Variants in FARS2 observed in about 807,000 individuals in gnomAD.
The protein encoded by FARS2 is phenylalanyl-tRNA synthetase 2, mitochondrial.
In FARS2, 40 loss-of-function variants were observed where a neutral mutation model predicts 46.4. The observed-to-expected ratio is 0.86, with a 90% CI of 0.67 to 1.12. FARS2 has a LOEUF of 1.12. FARS2 is among the 50% of genes most tolerant of loss of function. The probability of loss-of-function intolerance (pLI) is 0.00; values close to 1 mark genes in which losing one functional copy is unlikely to be tolerated. For synonymous variants in FARS2, 234 were observed against 214.9 expected, an observed-to-expected ratio of 1.09 and a Z score of -0.78; for missense variants, 513 against 567.9, an observed-to-expected ratio of 0.90 and a Z score of 0.98.
intron 6 of FARS2, among the ~76,000 whole-genome samples, chr6:5,748,776 A>T (rs1304655271): frequency 6.6e-6 from 1 of 152,220 alleles, no homozygotes; most frequent in African/African-American, 2.4e-5. Context: ...AATACAAATT[A>T]AGTGCTGCCT....
At chr6:5,408,424 G>A (rs1039818541) in intron 3 of FARS2, among the ~76,000 whole-genome samples, 1 of 152,160 alleles carries the variant, frequency 6.6e-6, no homozygotes, top group Non-Finnish European at 1.5e-5. Context: ...ACAGTCCACG[G>A]AAAGAAGGAA....
chr6:5,307,348 C>T (rs1460029016), intron 1 of FARS2, among the ~76,000 whole-genome samples: 1 of 152,210 alleles, frequency 6.6e-6, no homozygotes, highest in Non-Finnish European at 1.5e-5. Flanking sequence ...CTGAATGGCT[C>T]ATATATTTTT....
intron 6 of FARS2, among the ~76,000 whole-genome samples, chr6:5,627,206 T>C (rs1301254986): frequency 6.6e-6 from 1 of 152,344 alleles, no homozygotes; most frequent in East Asian, 1.9e-4. Context: ...CGTTGTGCAG[T>C]GCATGACTGT....
chr6:5,414,964 G>A lies in FARS2; in HGVS notation c.772+10263G>A, dbSNP rs540332288. ...CGAGTAGCTGAGATTACAGGCACCC[G>A]CCACCATGCCTGGGTAATTTTTTTT... On this transcript the variant is annotated intron_variant, in intron 3 of 6. Transcript: ENST00000274680. Among the ~76,000 whole-genome samples the A allele has an allele frequency of 1.5e-4, 23 of 151,686 alleles. No individual in the cohort carries two copies. In the East Asian group the frequency reaches 2.9e-3, roughly 19 times the overall value.
At chr6:5,326,126 A>G (rs986181833) in intron 1 of FARS2, among the ~76,000 whole-genome samples, 1 of 152,214 alleles carries the variant, frequency 6.6e-6, no homozygotes, top group Admixed American at 6.5e-5. Context: ...TCATCCTAAG[A>G]TAAATGGACA....
rs191522376 is a variant in FARS2 at position 5,692,065 on chromosome 6, G to A, written c.1217+78745G>A. Among the ~76,000 whole-genome samples the A allele has an allele frequency of 2.6e-4, 39 of 152,290 alleles. 1 individual carries two copies. The East Asian group carries it at 4.8e-3, about 19-fold the overall frequency. ...CACAGTATTAGGGTGGGAGTGACCC[G>A]ATTTTCCAGGTGCCATCTGTCACCC... On this transcript the variant is annotated intron_variant, in intron 6 of 6. Coordinates refer to ENST00000274680, the MANE Select transcript of FARS2 (RefSeq NM_006567.5).
chr6:5,768,288 GA>G (rs1762852724), intron 6 of FARS2, among the ~76,000 whole-genome samples: 1 of 152,126 alleles, frequency 6.6e-6, no homozygotes, highest in Non-Finnish European at 1.5e-5. Context: ...TATATATTAT[GA>G]GTATTTATCT....
At position 5,419,838 on chromosome 6, in the gene FARS2, G is replaced by A. The variant is rs190483408; in HGVS notation, c.773-11203G>A. On this transcript the variant is annotated intron_variant, in intron 3 of 6. Transcript: ENST00000274680. ...CAAGCCCACAGTGTGCCATCCTGCAGGAGGCAGGCTCCTGGTTCTTCTTGG... is the reference window on the plus strand; with the variant it reads ...CAAGCCCACAGTGTGCCATCCTGCAAGAGGCAGGCTCCTGGTTCTTCTTGG... Among the ~76,000 whole-genome samples, 27 of 152,302 alleles carry A rather than the reference G, an allele frequency of 1.8e-4. No homozygotes were observed. The East Asian group carries it at 4.6e-3, about 26-fold the overall frequency.
At chr6:5,530,787 TA>T (rs1769777803) in intron 4 of FARS2, among the ~76,000 whole-genome samples, 1 of 147,208 alleles carries the variant, frequency 6.8e-6, no homozygotes. Flanking sequence ...TTGTATAATA[TA>T]GAACTATATA....
chr6:5,461,573 T>C (rs1287792655), intron 4 of FARS2, among the ~76,000 whole-genome samples: 1 of 152,104 alleles, frequency 6.6e-6, no homozygotes, highest in Non-Finnish European at 1.5e-5. Flanking sequence ...TACTTCCTTT[T>C]TTTGAGAGGG....
intron 5 of FARS2, among the ~76,000 whole-genome samples, chr6:5,565,943 A>G (rs1772297546): frequency 6.6e-6 from 1 of 152,218 alleles, no homozygotes; most frequent in South Asian, 2.1e-4. Flanking sequence ...GTTAACCCCA[A>G]TTCGTTTACA....
intron 6 of FARS2, among the ~76,000 whole-genome samples, chr6:5,724,104 ACACTGCATGGTTT>A: frequency 6.6e-6 from 1 of 152,274 alleles, no homozygotes; most frequent in South Asian, 2.1e-4. Flanking sequence ...CCTTTTCCCC[ACACTGCATGGTTT>A]CACTTCTCTG....
chr6:5,625,892 T>C (rs73360259), intron 6 of FARS2, among the ~76,000 whole-genome samples: 1,893 of 152,282 alleles, frequency 0.012, 46 homozygotes, highest in African/African-American at 0.042. Context: ...GAATCTCAGA[T>C]GCGCAGGTGG....
chr6:5,451,483 C>T (rs1201005486), intron 4 of FARS2, among the ~76,000 whole-genome samples: 2 of 152,094 alleles, frequency 1.3e-5, no homozygotes, highest in Non-Finnish European at 2.9e-5. Flanking sequence ...AGCTGGGGCT[C>T]ACTGCTCATT....
At chr6:5,658,232 A>G (rs142292576) in intron 6 of FARS2, among the ~76,000 whole-genome samples, 2,599 of 148,464 alleles carry the variant, frequency 0.018, 34 homozygotes, top group South Asian at 0.04. Flanking sequence ...CTCCAGCCTG[A>G]GCAACAAGAG....
intron 4 of FARS2, among the ~76,000 whole-genome samples, chr6:5,505,392 A>G (rs1015355399): frequency 1.3e-5 from 2 of 152,136 alleles, no homozygotes; most frequent in Non-Finnish European, 1.5e-5. Flanking sequence ...CTGTCTGGCA[A>G]TGGTCCCCTC....
intron 1 of FARS2, among the ~76,000 whole-genome samples, chr6:5,347,839 T>A (rs1480214856): frequency 7.9e-5 from 12 of 152,338 alleles, no homozygotes; most frequent in African/African-American, 2.9e-4. Flanking sequence ...ATTTAGTTTT[T>A]CTACTGGAAC....
intron 1 of FARS2, among the ~76,000 whole-genome samples, chr6:5,290,526 AT>A (rs1767429829): frequency 6.6e-6 from 1 of 152,176 alleles, no homozygotes; most frequent in Non-Finnish European, 1.5e-5. Flanking sequence ...TAATATAGGA[AT>A]TTTTAAAGCA....
intron 6 of FARS2, among the ~76,000 whole-genome samples, chr6:5,667,197 C>T (rs1194700345): frequency 6.6e-6 from 1 of 152,068 alleles, no homozygotes. Flanking sequence ...TACCCCTGAA[C>T]TTAAAATAAA....
Sources: allele counts gnomAD v4.1 joint callset (sites outside exome capture counted in the v4.1 genomes callset), GRCh38; gene constraint gnomAD v4.1.1; transcripts MANE v1.5; gene names NCBI Gene and HGNC (gene_info 2026-07-23, HGNC 2026-07-21).